The following VPS41 variants were observed in gnomAD, a reference collection of about 807,000 sequenced individuals.
The protein encoded by VPS41 is vacuolar protein sorting-associated protein 41 homolog.
A neutral mutation model predicts 130.9 loss-of-function variants in VPS41; 85 were observed. That is an observed-to-expected ratio of 0.65 (90% confidence interval 0.55 to 0.78). The LOEUF (loss-of-function observed/expected upper bound fraction) is 0.78, where lower values mean the gene tolerates loss of function less well. VPS41 is among the 30% of genes least tolerant of loss of function. The pLI, the probability that VPS41 is intolerant of heterozygous loss-of-function variation, is 0.00. For synonymous variants in VPS41, 335 were observed against 332.9 expected (o/e 1.01, Z -0.07); for missense variants, 874 against 1,018.7 (o/e 0.86, Z 1.93).
intron 4 of VPS41, among the ~76,000 whole-genome samples, chr7:38,838,124 T>C (rs1679885149): frequency 6.6e-6 from 1 of 152,092 alleles, no homozygotes; most frequent in Non-Finnish European, 1.5e-5. Context: ...CAATGTTGCA[T>C]GCAACTAGCC....
chr7:38,866,697 G>C (rs927833400), intron 3 of VPS41, among the ~76,000 whole-genome samples: 28 of 152,192 alleles, frequency 1.8e-4, no homozygotes, highest in Non-Finnish European at 3.8e-4. Flanking sequence ...CAGAAATCCT[G>C]AGATTTAAAA....
chr7:38,850,091 G>A (rs534245784), intron 4 of VPS41, among the ~76,000 whole-genome samples: 1 of 152,320 alleles, frequency 6.6e-6, no homozygotes, highest in East Asian at 1.9e-4. Context: ...CAGACTAGCA[G>A]ACATTTGTCA....
intron 2 of VPS41, among the ~76,000 whole-genome samples, chr7:38,873,285 G>GT (rs915438416): frequency 0.011 from 1,691 of 148,426 alleles, 13 homozygotes; most frequent in Non-Finnish European, 0.018. Flanking sequence ...ATTTTTTAAG[G>GT]TTTTTTTTTT....
At chr7:38,787,088 T>G (rs75028482) in intron 10 of VPS41, among the ~76,000 whole-genome samples, 1,822 of 152,318 alleles carry the variant, frequency 0.012, 46 homozygotes, top group African/African-American at 0.04. Context: ...TCCCTTCTTT[T>G]CTCTTCCCTT....
In VPS41 at chr7:38,821,255, A is replaced by C; in HGVS notation, c.332T>G (p.Phe111Cys). 6.2e-7 allele frequency: 1 copy of C among 1,613,594 alleles called. No individual in the cohort carries two copies. Among genetic ancestry groups the C allele is most frequent in the Non-Finnish European group, 8.5e-7 (1 of 1,179,626 alleles). Residue 111 changes from phenylalanine to cysteine, a missense_variant, in exon 6 of 29, where the codon TTT becomes TGT. Transcript: ENST00000310301. ...AAATTCTTCTCCAGAATACAGTCCAAATACCTGCACCTACAAAGAAAATGG... is the reference window on the plus strand; with the variant it reads ...AAATTCTTCTCCAGAATACAGTCCACATACCTGCACCTACAAAGAAAATGG... ...VCSEDGKVQV[F>C]GLYSGEEFHE...
At chr7:38,761,358 C>T (rs1290508011) in intron 17 of VPS41, among the ~76,000 whole-genome samples, 2 of 150,112 alleles carry the variant, frequency 1.3e-5, no homozygotes, top group East Asian at 3.9e-4. Flanking sequence ...TCACTGCAAC[C>T]TCCGCCTCCT....
At chr7:38,884,413 T>C (rs1055698297) in intron 2 of VPS41, among the ~76,000 whole-genome samples, 10 of 152,226 alleles carry the variant, frequency 6.6e-5, no homozygotes, top group Admixed American at 2.0e-4. Flanking sequence ...AACTCCTAAC[T>C]GGTATTTGGA....
chr7:38,809,910 AG>A (rs779528194), intron 7 of VPS41, among the ~76,000 whole-genome samples: 4 of 151,644 alleles, frequency 2.6e-5, no homozygotes, highest in Admixed American at 6.6e-5. Context: ...TGACAGGGAA[AG>A]CTGGACAATT....
intron 1 of VPS41, among the ~76,000 whole-genome samples, chr7:38,904,047 T>G (rs986551211): frequency 3.9e-5 from 6 of 152,162 alleles, no homozygotes; most frequent in Non-Finnish European, 8.8e-5. Flanking sequence ...CTGCACAGAC[T>G]CTGATTCAGT....
intron 4 of VPS41, among the ~76,000 whole-genome samples, chr7:38,856,797 GA>G (rs770061670): frequency 1.3e-5 from 2 of 152,192 alleles, no homozygotes; most frequent in Non-Finnish European, 2.9e-5. Flanking sequence ...GTACCTTGCA[GA>G]AAGAATGGAG....
chr7:38,796,925 T>C lies in VPS41; in HGVS notation c.451-61A>G, dbSNP rs879116807. ...ACTGAAAATAATGTATCAGGTTCTT[T>C]ACTTACTAGTTTTACCTATCCTCGT... is the stretch of plus-strand genomic sequence containing the variant. On this transcript the variant is annotated intron_variant, in intron 7 of 28. Transcript: ENST00000310301. The C allele has an allele frequency of 7.5e-6, 12 of 1,599,776 alleles. No homozygotes were observed. The South Asian group carries it at 1.3e-4, about 18-fold the overall frequency.
chr7:38,733,896 T>C (rs553043039), intron 25 of VPS41, among the ~76,000 whole-genome samples: 1 of 151,862 alleles, frequency 6.6e-6, no homozygotes, highest in East Asian at 1.9e-4. Flanking sequence ...CTGGGCAACA[T>C]AGTGAGACCC....
chr7:38,728,492 CTCA>C (rs759851620), intron 27 of VPS41, 47 bp downstream of exon 27: 1 of 1,604,882 alleles, frequency 6.2e-7, no homozygotes, highest in Non-Finnish European at 8.5e-7. Context: ...TTTGATTCCA[CTCA>C]TCATTAAAAT....
intron 9 of VPS41, among the ~76,000 whole-genome samples, chr7:38,791,152 T>C (rs1385839976): frequency 6.6e-6 from 1 of 152,190 alleles, no homozygotes; most frequent in African/African-American, 2.4e-5. Flanking sequence ...ATTTGTCTCT[T>C]GTCCGTTTCA....
At chr7:38,881,015 A>G (rs983320791) in intron 2 of VPS41, among the ~76,000 whole-genome samples, 4 of 152,240 alleles carry the variant, frequency 2.6e-5, no homozygotes, top group Non-Finnish European at 5.9e-5. Flanking sequence ...GAAAAGTGTT[A>G]AGGAGACAAG....
chr7:38,754,287 C>T (rs1048328720), intron 21 of VPS41, among the ~76,000 whole-genome samples: 2 of 152,150 alleles, frequency 1.3e-5, no homozygotes, highest in African/African-American at 4.8e-5. Flanking sequence ...ATCTGCGGTG[C>T]CATACTGGCC....
intron 12 of VPS41, among the ~76,000 whole-genome samples, chr7:38,773,255 C>A (rs1309317180): frequency 6.6e-6 from 1 of 152,092 alleles, no homozygotes; most frequent in African/African-American, 2.4e-5. Flanking sequence ...ATTATAAAAC[C>A]TGTTCTGAAG....
intron 10 of VPS41, among the ~76,000 whole-genome samples, chr7:38,786,513 T>A (rs1784442108): frequency 6.6e-6 from 1 of 152,072 alleles, no homozygotes; most frequent in African/African-American, 2.4e-5. Flanking sequence ...AGTTGTTACA[T>A]CCCTCCCAAA....
At chr7:38,825,529 G>C (rs950321257) in intron 5 of VPS41, among the ~76,000 whole-genome samples, 3 of 152,154 alleles carry the variant, frequency 2.0e-5, no homozygotes, top group Non-Finnish European at 4.4e-5. Flanking sequence ...CTCCGCTTTT[G>C]GGAAGAGCTC....
Sources: gnomAD v4.1 joint callset for allele counts (sites outside exome capture counted in the v4.1 genomes callset) on GRCh38, gnomAD v4.1.1 for gene constraint, MANE v1.5 for transcripts, NCBI Gene and HGNC (gene_info 2026-07-23, HGNC 2026-07-21) for gene names.